The following VEGFC variants were observed in gnomAD, a reference collection of about 807,000 sequenced individuals.
The protein encoded by VEGFC is FLT4 ligand DHM.
In VEGFC, 12 loss-of-function variants were observed where a neutral mutation model predicts 46.1. The ratio of observed to expected loss-of-function variants is 0.26; its 90% CI spans 0.17 to 0.42. The LOEUF (loss-of-function observed/expected upper bound fraction) is 0.42, where lower values mean the gene tolerates loss of function less well. Ranked by LOEUF, VEGFC falls within the 10% of genes least tolerant of loss-of-function variation. VEGFC has a pLI of 1.00. For synonymous variants in VEGFC, 232 were observed against 195.5 expected (o/e 1.19, Z -1.56); for missense variants, 488 against 529.4 (o/e 0.92, Z 0.77).
chr4:176,704,047 A>G (rs1734480257), intron 4 of VEGFC, among the ~76,000 whole-genome samples: 1 of 152,106 alleles, frequency 6.6e-6, no homozygotes, highest in Non-Finnish European at 1.5e-5. Context: ...CTAACAGAGT[A>G]AGTCCCAGTT....
chr4:176,791,761 CCA>C, intron 1 of VEGFC, among the ~76,000 whole-genome samples: 1 of 152,296 alleles, frequency 6.6e-6, no homozygotes, highest in Admixed American at 6.5e-5. Flanking sequence ...TGACTGATCA[CCA>C]GTGTCCCAGA....
chr4:176,790,870 T>C (rs1239041944), intron 1 of VEGFC, among the ~76,000 whole-genome samples: 2 of 152,224 alleles, frequency 1.3e-5, no homozygotes, highest in East Asian at 3.8e-4. Flanking sequence ...AATGTAAGTA[T>C]AGGCACTGAA....
intron 1 of VEGFC, among the ~76,000 whole-genome samples, chr4:176,743,541 TATA>T (rs1304366505): frequency 6.6e-5 from 10 of 150,760 alleles, no homozygotes; most frequent in South Asian, 4.2e-4. Flanking sequence ...AAAAACAGCA[TATA>T]ATAATATAAT....
chr4:176,792,221 C>T lies in VEGFC; in HGVS notation c.91G>A (p.Ala31Thr). Residue 31 changes from alanine (A) to threonine (T), a missense_variant, in exon 1 of 7, where the codon GCC becomes ACC. Physicochemically the swap from Ala to Thr is moderately conservative, Grantham distance 58. Transcript: ENST00000618562. The surrounding 1 kb of genome is among the most constrained non-coding windows in gnomAD (Gnocchi z 6.3). ...GPREAPAAAA[A>T]FESGLDLSDA... ...GAGAGGTCGAGTCCGGACTCGAAGG[C>T]GGCGGCGGCGGCGGGCGCCTCGCGA... The T allele has an allele frequency of 6.9e-7, 1 of 1,453,146 alleles. No individual in the cohort carries two copies. 90.0% of individuals were successfully genotyped at this position (1,453,146 alleles called of 1,614,324 possible). A position where few individuals can be genotyped will look rare whatever the true frequency, so the allele number is the denominator to read the frequency against.
At chr4:176,744,544 C>T (rs1301669242) in intron 1 of VEGFC, among the ~76,000 whole-genome samples, 1 of 151,916 alleles carries the variant, frequency 6.6e-6, no homozygotes, top group Non-Finnish European at 1.5e-5. Flanking sequence ...CCTGTATAGC[C>T]TTAGGATGAA....
At chr4:176,764,908 T>C (rs554062201) in intron 1 of VEGFC, among the ~76,000 whole-genome samples, 1 of 151,404 alleles carries the variant, frequency 6.6e-6, no homozygotes, top group African/African-American at 2.4e-5. Context: ...ATAGAAAAAA[T>C]AGACAATAAA....
intron 3 of VEGFC, among the ~76,000 whole-genome samples, chr4:176,723,317 A>G (rs1734819698): frequency 6.6e-6 from 1 of 152,102 alleles, no homozygotes; most frequent in Admixed American, 6.6e-5. Flanking sequence ...CTGTATATAC[A>G]TATGTATATA....
intron 3 of VEGFC, among the ~76,000 whole-genome samples, chr4:176,724,041 C>T (rs892660650): frequency 1.3e-5 from 2 of 152,116 alleles, no homozygotes; most frequent in African/African-American, 2.4e-5. Context: ...GAATTAAGCC[C>T]AGTACCCAAT....
chr4:176,738,982 T>C (rs1275313111), intron 1 of VEGFC, among the ~76,000 whole-genome samples: 1 of 150,570 alleles, frequency 6.6e-6, no homozygotes, highest in Non-Finnish European at 1.5e-5. Flanking sequence ...AGTAATGGGA[T>C]TGCAGGGTCG....
At chr4:176,766,955 G>A (rs1351069633) in intron 1 of VEGFC, among the ~76,000 whole-genome samples, 3 of 48,666 alleles carry the variant, frequency 6.2e-5, no homozygotes, top group Admixed American at 3.2e-4. Context: ...TAATCATAGA[G>A]GAAAAACAAG....
At chr4:176,782,334 C>T (rs79005170) in intron 1 of VEGFC, among the ~76,000 whole-genome samples, 2 of 151,856 alleles carry the variant, frequency 1.3e-5, no homozygotes, top group East Asian at 1.9e-4. Flanking sequence ...TGGGGTGGCA[C>T]GTGCCTGTGA....
chr4:176,745,919 G>T (rs964812), intron 1 of VEGFC, among the ~76,000 whole-genome samples: 109,384 of 151,916 alleles, frequency 0.72, 44,630 homozygotes, highest in East Asian at 0.93. Context: ...AGTGTACAAG[G>T]GCAAAATTTT....
At chr4:176,706,476 A>C (rs1158020121) in intron 4 of VEGFC, among the ~76,000 whole-genome samples, 1 of 151,874 alleles carries the variant, frequency 6.6e-6, no homozygotes. Context: ...AAAATACAAA[A>C]ATTAACCAGG....
intron 4 of VEGFC, among the ~76,000 whole-genome samples, chr4:176,700,081 CTT>C (rs1418444899): frequency 6.6e-6 from 1 of 152,154 alleles, no homozygotes; most frequent in African/African-American, 2.4e-5. Flanking sequence ...TTTTGCCAGT[CTT>C]AATGTTTGAA....
At chr4:176,716,603 A>AG (rs1444031376) in intron 3 of VEGFC, among the ~76,000 whole-genome samples, 1 of 149,902 alleles carries the variant, frequency 6.7e-6, no homozygotes, top group African/African-American at 2.5e-5. Flanking sequence ...AAAAAAAAAA[A>AG]AAAGAAAAAG....
intron 4 of VEGFC, among the ~76,000 whole-genome samples, chr4:176,709,265 A>C (rs1734583038): frequency 6.6e-6 from 1 of 152,138 alleles, no homozygotes; most frequent in African/African-American, 2.4e-5. Context: ...GACCTTCTAG[A>C]TGATTTTGTT....
At chr4:176,761,624 C>T (rs1383204426) in intron 1 of VEGFC, among the ~76,000 whole-genome samples, 1 of 152,148 alleles carries the variant, frequency 6.6e-6, no homozygotes, top group Non-Finnish European at 1.5e-5. Context: ...GCATTAAGGA[C>T]AACAGTGAAC....
chr4:176,777,302 G>C (rs894917710), intron 1 of VEGFC, among the ~76,000 whole-genome samples: 31 of 152,326 alleles, frequency 2.0e-4, no homozygotes, highest in Non-Finnish European at 4.1e-4. Flanking sequence ...GGCCGAGACA[G>C]CGAGACTCCG....
Position 176,792,058 on chromosome 4 carries a change from G to C in VEGFC, c.147+107C>G, listed in dbSNP as rs1279036751. The C allele has an allele frequency of 6.8e-6, 9 of 1,333,050 alleles. No individual in the cohort carries two copies. Among genetic ancestry groups the C allele is most frequent in the Non-Finnish European group, 8.7e-6 (9 of 1,031,392 alleles). 82.6% of individuals were successfully genotyped at this position (1,333,050 alleles called of 1,614,324 possible). ...TGAGCTCAGTAACTTTGGATCCCAC[G>C]TACACAAGCTTAAAGCACACACACT... is the stretch of plus-strand genomic sequence containing the variant. On this transcript the variant is annotated intron_variant, in intron 1 of 6. Coordinates refer to ENST00000618562, the MANE Select transcript of VEGFC (RefSeq NM_005429.5). This position sits in a 1 kb window ranked among gnomAD's most constrained non-coding sequence, Gnocchi z 6.3.
Sources: gnomAD v4.1 joint callset for allele counts (sites outside exome capture counted in the v4.1 genomes callset) on GRCh38, gnomAD v4.1.1 for gene constraint, Gnocchi (gnomAD v3.1) non-coding constraint, MANE v1.5 for transcripts, NCBI Gene and HGNC (gene_info 2026-07-23, HGNC 2026-07-21) for gene names.